TBC1D32: variants seen among roughly 807,000 people sequenced by gnomAD.
The protein encoded by TBC1D32 is TBC1 domain family member 32, also known as protein broad-minded.
Under a neutral mutation model 170.3 loss-of-function variants are expected in TBC1D32, and 151 were observed. The ratio of observed to expected loss-of-function variants is 0.89; its 90% CI spans 0.78 to 1.01. TBC1D32 has a LOEUF of 1.01. TBC1D32 is among the 50% of genes least tolerant of loss of function. The pLI is 0.00. For synonymous variants in TBC1D32, 498 were observed against 488.0 expected, an observed-to-expected ratio of 1.02 and a Z score of -0.27; for missense variants, 1,464 against 1,457.1, an observed-to-expected ratio of 1.00 and a Z score of -0.08.
intron 1 of TBC1D32, among the ~76,000 whole-genome samples, chr6:121,325,346 T>C (rs1271973389): frequency 2.7e-5 from 4 of 147,160 alleles, no homozygotes; most frequent in African/African-American, 1.0e-4. Context: ...AGAACAAAGC[T>C]GGAGGCATCA....
chr6:121,198,218 G>A (rs1393047250), intron 22 of TBC1D32, among the ~76,000 whole-genome samples: 2 of 100,862 alleles, frequency 2.0e-5, no homozygotes, highest in African/African-American at 6.1e-5. Flanking sequence ...TTATATATAT[G>A]TGTGTATAAT....
intron 24 of TBC1D32, among the ~76,000 whole-genome samples, chr6:121,149,086 C>T (rs1000479500): frequency 6.6e-6 from 1 of 152,076 alleles, no homozygotes; most frequent in African/African-American, 2.4e-5. Context: ...ATATCCTTTG[C>T]TCACTGTTTG....
In TBC1D32 at chr6:121,270,282, T is replaced by C. The variant is rs182836536; in HGVS notation, c.1733+8839A>G. 5.0e-3 allele frequency among the ~76,000 whole-genome samples: 754 copies of C among 151,778 alleles called. 5 individuals carry two copies. Among genetic ancestry groups the C allele is most frequent in the African/African-American group, 0.018 (725 of 41,322 alleles). On this transcript the variant is annotated intron_variant, in intron 15 of 31. Coordinates refer to ENST00000398212, the MANE Select transcript of TBC1D32 (RefSeq NM_152730.6). ...AAGATCAGAGCAGAACTGAAGGAGA[T>C]AGAGACACAAAAAAACCCTTCAAAA...
chr6:121,286,868 A>C (rs1442559904), intron 12 of TBC1D32, among the ~76,000 whole-genome samples: 2 of 152,332 alleles, frequency 1.3e-5, no homozygotes, highest in Non-Finnish European at 2.9e-5. Context: ...AAAGAAAATA[A>C]TTTTCAACCC....
intron 17 of TBC1D32, among the ~76,000 whole-genome samples, chr6:121,255,099 A>C (rs1306832034): frequency 6.6e-6 from 1 of 152,062 alleles, no homozygotes; most frequent in East Asian, 1.9e-4. Flanking sequence ...TCCTAATCTA[A>C]GATGTAAAAA....
At chr6:121,281,716 A>C (rs1296994113) in intron 13 of TBC1D32, 30 bp from the exon 14 acceptor site, 1 of 1,521,830 alleles carries the variant, frequency 6.6e-7, no homozygotes, top group Non-Finnish European at 8.9e-7. Flanking sequence ...TTTTAATACC[A>C]AAACATTAAA....
intron 22 of TBC1D32, among the ~76,000 whole-genome samples, chr6:121,195,661 T>C (rs963307428): frequency 6.6e-6 from 1 of 152,136 alleles, no homozygotes; most frequent in African/African-American, 2.4e-5. Flanking sequence ...CACCCTGCCT[T>C]CTCTCCCCCA....
At position 121,205,150 on chromosome 6, in the gene TBC1D32, C is replaced by T; in HGVS notation, c.2495G>A (p.Arg832Lys). Reference sequence around the variant, plus strand: ...AGCTTCAGAATTCAAAATTATAAGTCTATCAATAATATCCTGAAAAAGACA... The same window carrying T: ...AGCTTCAGAATTCAAAATTATAAGTTTATCAATAATATCCTGAAAAAGACA... ...VPTCVIDIID[R>K]LIILNSEAKI... Residue 832 changes from arginine to lysine, a missense_variant, in exon 22 of 32, where the codon AGA becomes AAA. By Grantham distance (26) the Arg-to-Lys change is conservative. Around this residue, in one of 3 missense-constraint regions of TBC1D32, gnomAD observed 1,363 missense variants for 1,338.1 expected, o/e 1.02. Transcript: ENST00000398212. The T allele has an allele frequency of 6.8e-7, 1 of 1,469,556 alleles. No individual in the cohort carries two copies. The highest frequency in any genetic ancestry group is 1.4e-5 in the African/African-American group (1 of 69,554). The allele number at this position is 1,469,556 out of a possible 1,614,324, so 91.0% of individuals were successfully genotyped here.
chr6:121,083,333 T>G (rs1775843826), intron 31 of TBC1D32, among the ~76,000 whole-genome samples: 1 of 152,082 alleles, frequency 6.6e-6, no homozygotes, highest in South Asian at 2.1e-4. Context: ...GATTTAAGTT[T>G]TAGTTAGGAA....
intron 30 of TBC1D32, chr6:121,095,821 G>A (rs1354676295): frequency 6.6e-6 from 1 of 152,120 alleles, no homozygotes; most frequent in African/African-American, 2.4e-5. Context: ...TGTGCTACTG[G>A]ATTTGCTTTG....
intron 22 of TBC1D32, among the ~76,000 whole-genome samples, chr6:121,196,146 T>C (rs1790706903): frequency 1.3e-5 from 2 of 152,216 alleles, no homozygotes; most frequent in African/African-American, 2.4e-5. Context: ...GTGGATAGGA[T>C]GACCCGTTCT....
chr6:121,108,028 A>G (rs932089886), intron 29 of TBC1D32, among the ~76,000 whole-genome samples: 1 of 152,144 alleles, frequency 6.6e-6, no homozygotes, highest in Non-Finnish European at 1.5e-5. Flanking sequence ...AGCCTTGCAT[A>G]GAATAGATGC....
At chr6:121,083,312 A>T (rs943228729) in intron 31 of TBC1D32, among the ~76,000 whole-genome samples, 1 of 152,076 alleles carries the variant, frequency 6.6e-6, no homozygotes, top group Non-Finnish European at 1.5e-5. Context: ...TTAATAGATT[A>T]CTACTAGAAT....
chr6:121,267,343 G>C (rs1460345065), intron 15 of TBC1D32, among the ~76,000 whole-genome samples: 6 of 152,176 alleles, frequency 3.9e-5, no homozygotes, highest in Non-Finnish European at 7.3e-5. Context: ...CGAAGCCCAA[G>C]GGGTCAGGGA....
At chr6:121,162,359 C>T (rs1447274716) in intron 22 of TBC1D32, among the ~76,000 whole-genome samples, 1 of 152,020 alleles carries the variant, frequency 6.6e-6, no homozygotes, top group African/African-American at 2.4e-5. Context: ...TTTAATCCAC[C>T]TTGAGTTGAT....
chr6:121,162,581 T>G (rs1050474663), intron 22 of TBC1D32, among the ~76,000 whole-genome samples: 1 of 152,066 alleles, frequency 6.6e-6, no homozygotes, highest in Non-Finnish European at 1.5e-5. Context: ...AGAAATCAAG[T>G]GCATTCAAAC....
rs1167040663 is a variant in TBC1D32 at position 121,192,398 on chromosome 6, A to AT, written c.2570+12676_2570+12677insA. On this transcript the variant is annotated intron_variant, in intron 22 of 31. Coordinates refer to ENST00000398212, the MANE Select transcript of TBC1D32 (RefSeq NM_152730.6). ...ACCTTTGACCATATGTGGAGAACCA[A>AT]GGAACATAATGAAGTTGGTTGGTTG... The AT allele has an allele frequency of 2.0e-5, 3 of 152,174 alleles. No homozygotes were observed. The East Asian group carries it at 5.8e-4, about 29-fold the overall frequency. 9.4% of individuals were successfully genotyped at this position (152,174 alleles called of 1,614,324 possible).
At chr6:121,329,547 G>C (rs1810931372) in intron 1 of TBC1D32, among the ~76,000 whole-genome samples, 2 of 152,142 alleles carry the variant, frequency 1.3e-5, no homozygotes, top group Admixed American at 1.3e-4. Flanking sequence ...AGCTACTTGG[G>C]AGGCTGAGGC....
chr6:121,243,580 C>A (rs1351355000), intron 17 of TBC1D32, among the ~76,000 whole-genome samples: 2 of 151,106 alleles, frequency 1.3e-5, no homozygotes, highest in Non-Finnish European at 3.0e-5. Flanking sequence ...AGTAACAAAA[C>A]ACACACACAC....
Sources: allele counts gnomAD v4.1 joint callset (sites outside exome capture counted in the v4.1 genomes callset), GRCh38; gene constraint gnomAD v4.1.1; regional missense constraint gnomAD v4.1.1; transcripts MANE v1.5; gene names NCBI Gene and HGNC (gene_info 2026-07-23, HGNC 2026-07-21).